MAF: variants seen among roughly 807,000 people sequenced by gnomAD.
MAF encodes the protein transcription factor Maf.
MAF carries 10 observed loss-of-function variants against 22.0 expected under a neutral mutation model. The ratio of observed to expected loss-of-function variants is 0.45; its 90% confidence interval spans 0.28 to 0.77. The LOEUF is 0.77. MAF is among the 30% of genes least tolerant of loss of function. The pLI, the probability that MAF is intolerant of heterozygous loss-of-function variation, is 0.12. For synonymous variants in MAF, 337 were observed against 255.8 expected, an observed-to-expected ratio of 1.32 and a Z score of -3.03; for missense variants, 544 against 548.4, an observed-to-expected ratio of 0.99 and a Z score of 0.08.
the MAF span, chr16:79,206,845 T>G: frequency 1.3e-5 from 2 of 152,206 alleles, no homozygotes; most frequent in South Asian, 4.1e-4. Context: ...ATAGGCTGCA[T>G]TACTTTATGA....
the MAF span, among the ~76,000 whole-genome samples, chr16:79,560,453 C>T: frequency 1.3e-5 from 2 of 151,570 alleles, no homozygotes; most frequent in African/African-American, 4.8e-5. Context: ...TTTTGTTTTT[C>T]TACAACTGTA....
chr16:79,319,188 G>T, the MAF span, among the ~76,000 whole-genome samples: 2 of 152,116 alleles, frequency 1.3e-5, no homozygotes, highest in African/African-American at 4.8e-5. Flanking sequence ...TTGGGGAGGT[G>T]GGGGGAGGTC....
chr16:79,259,119 G>A, the MAF span, among the ~76,000 whole-genome samples: 5 of 152,138 alleles, frequency 3.3e-5, no homozygotes, highest in African/African-American at 9.7e-5. Context: ...AAAACTCACC[G>A]ATGGCTTTCC....
the MAF span, among the ~76,000 whole-genome samples, chr16:79,261,343 G>A: frequency 2.0e-5 from 2 of 102,100 alleles, no homozygotes; most frequent in African/African-American, 2.9e-5. Flanking sequence ...ACTAGAGACC[G>A]GGTTTCACCA....
chr16:79,385,043 A>G, the MAF span, among the ~76,000 whole-genome samples: 1 of 152,216 alleles, frequency 6.6e-6, no homozygotes, highest in Non-Finnish European at 1.5e-5. Context: ...GAGAACAGCT[A>G]TAGCCATAGG....
chr16:79,540,464 G>A, the MAF span, among the ~76,000 whole-genome samples: 2 of 152,176 alleles, frequency 1.3e-5, no homozygotes, highest in East Asian at 3.9e-4. Context: ...GGGCATCCAC[G>A]CACCAAAAGA....
the MAF span, among the ~76,000 whole-genome samples, chr16:79,495,097 G>C: frequency 6.6e-6 from 1 of 152,080 alleles, no homozygotes; most frequent in African/African-American, 2.4e-5. Context: ...AAACCAGGTA[G>C]TTTACAGTTT....
the MAF span, among the ~76,000 whole-genome samples, chr16:79,449,723 T>C: frequency 1.1e-4 from 16 of 152,292 alleles, no homozygotes; most frequent in African/African-American, 3.9e-4. Context: ...AGTTTCTCCA[T>C]GTGTAAAATA....
the MAF span, among the ~76,000 whole-genome samples, chr16:79,484,912 G>T: frequency 6.6e-6 from 1 of 152,206 alleles, no homozygotes; most frequent in Non-Finnish European, 1.5e-5. Context: ...AGCTGAACAG[G>T]ATTTAGAACC....
At chr16:79,415,992 C>T in the MAF span, among the ~76,000 whole-genome samples, 1 of 152,076 alleles carries the variant, frequency 6.6e-6, no homozygotes, top group African/African-American at 2.4e-5. Context: ...TTGGGTGAGA[C>T]CTTCCCTACC....
At chr16:79,524,798 G>C in the MAF span, among the ~76,000 whole-genome samples, 2 of 152,170 alleles carry the variant, frequency 1.3e-5, no homozygotes, top group Non-Finnish European at 2.9e-5. Flanking sequence ...AATTAGATAA[G>C]ATTAAGTACT....
the MAF span, among the ~76,000 whole-genome samples, chr16:79,320,243 A>T: frequency 1.3e-5 from 2 of 152,174 alleles, no homozygotes; most frequent in East Asian, 3.8e-4. Context: ...CTCTATATAT[A>T]TACTTAAAGG....
At chr16:79,393,495 G>A in the MAF span, among the ~76,000 whole-genome samples, 33 of 152,326 alleles carry the variant, frequency 2.2e-4, 1 homozygote, top group Non-Finnish European at 4.3e-4. Flanking sequence ...AGAAGACCAC[G>A]GAGCTTTGTC....
the MAF span, among the ~76,000 whole-genome samples, chr16:79,229,746 A>G: frequency 6.6e-6 from 1 of 151,992 alleles, no homozygotes; most frequent in Non-Finnish European, 1.5e-5. Context: ...TGCTGAAAAT[A>G]CTTTGTACCT....
At chr16:79,448,822 C>G in the MAF span, among the ~76,000 whole-genome samples, 35 of 151,856 alleles carry the variant, frequency 2.3e-4, no homozygotes, top group Non-Finnish European at 4.0e-4. Flanking sequence ...CCAGCATTCC[C>G]CAAACTTTTT....
At chr16:79,215,489 C>T in the MAF span, among the ~76,000 whole-genome samples, 1 of 152,178 alleles carries the variant, frequency 6.6e-6, no homozygotes, top group Non-Finnish European at 1.5e-5. Flanking sequence ...GTATCATCAG[C>T]CAAGGTGCTG....
chr16:79,417,563 G>A, the MAF span, among the ~76,000 whole-genome samples: 2 of 152,262 alleles, frequency 1.3e-5, no homozygotes, highest in East Asian at 1.9e-4. Flanking sequence ...CATGGGAAAG[G>A]GGACAGACAA....
At chr16:79,555,507 T>C in the MAF span, among the ~76,000 whole-genome samples, 31 of 152,114 alleles carry the variant, frequency 2.0e-4, no homozygotes, top group Non-Finnish European at 3.7e-4. Flanking sequence ...ACAGCTGACT[T>C]TAAGCTACCA....
the MAF span, among the ~76,000 whole-genome samples, chr16:79,552,526 A>G: frequency 6.6e-6 from 1 of 152,046 alleles, no homozygotes; most frequent in Non-Finnish European, 1.5e-5. Context: ...CCTATTTTCC[A>G]TCTCTGGCTA....
Sources: allele counts gnomAD v4.1 joint callset (sites outside exome capture counted in the v4.1 genomes callset), GRCh38; gene constraint gnomAD v4.1.1; transcripts MANE v1.5; gene names NCBI Gene and HGNC (gene_info 2026-07-23, HGNC 2026-07-21).